The following FIGNL2 variants were observed in gnomAD, a reference collection of about 807,000 sequenced individuals.
FIGNL2 encodes the protein fidgetin like 2, also known as fidgetin-like protein 2.
For missense variants in FIGNL2, 1,060 were observed against 950.2 expected (o/e 1.12, Z -1.52); for synonymous variants, 565 against 484.0 (o/e 1.17, Z -2.20).
chr12:51,842,638 T>C (rs1939681745), intron 1 of FIGNL2, among the ~76,000 whole-genome samples: 1 of 152,076 alleles, frequency 6.6e-6, no homozygotes, highest in Non-Finnish European at 1.5e-5. Flanking sequence ...ACTTTGCTTC[T>C]AATGCCCACC....
chr12:51,845,605 A>T (rs1352906681), intron 1 of FIGNL2: 1 of 985,290 alleles, frequency 1.0e-6, no homozygotes, highest in Non-Finnish European at 1.2e-6. Flanking sequence ...TTTTCATTAA[A>T]TCGGGTAAAG....
At chr12:51,847,393 G>T in intron 1 of FIGNL2, 7 of 985,456 alleles carry the variant, frequency 7.1e-6, no homozygotes, top group Non-Finnish European at 8.4e-6. Context: ...CCCACTCCTC[G>T]CTGCCGGGCG....
chr12:51,827,496 G>T (rs536704746), intron 1 of FIGNL2, among the ~76,000 whole-genome samples: 1 of 152,220 alleles, frequency 6.6e-6, no homozygotes, highest in South Asian at 2.1e-4. Context: ...AAAGTGCTGG[G>T]ATTACAGGCC....
At chr12:51,841,863 C>T (rs1013733354) in intron 1 of FIGNL2, 1 of 152,224 alleles carries the variant, frequency 6.6e-6, no homozygotes, top group Non-Finnish European at 1.5e-5. Context: ...TGCACAGCCC[C>T]TCCTCCCCTT....
intron 1 of FIGNL2, chr12:51,847,174 G>T (rs1592198087): frequency 7.1e-6 from 7 of 985,400 alleles, no homozygotes; most frequent in Non-Finnish European, 8.4e-6. Context: ...TGAGAGGCTC[G>T]GGGAGGCTTT....
At chr12:51,822,658 A>C (rs1939249564) in intron 1 of FIGNL2, among the ~76,000 whole-genome samples, 1 of 152,224 alleles carries the variant, frequency 6.6e-6, no homozygotes, top group Non-Finnish European at 1.5e-5. Flanking sequence ...AGGGGTCTGG[A>C]AATGATGTGG....
At chr12:51,837,099 C>T (rs1255292075) in intron 1 of FIGNL2, among the ~76,000 whole-genome samples, 1 of 152,090 alleles carries the variant, frequency 6.6e-6, no homozygotes, top group Admixed American at 6.5e-5. Flanking sequence ...GGGGTGGGGG[C>T]CTGTGGGGAG....
intron 1 of FIGNL2, among the ~76,000 whole-genome samples, chr12:51,843,446 G>A (rs1462917548): frequency 1.3e-5 from 2 of 151,914 alleles, no homozygotes; most frequent in African/African-American, 2.4e-5. Flanking sequence ...TACTCAGGAG[G>A]CTGAGGCATG....
rs1350701627 is a variant in FIGNL2 at position 51,834,014 on chromosome 12, TGGAC to T, written c.-11-11594_-11-11591del. On this transcript the variant is annotated intron_variant, in intron 1 of 1. Coordinates refer to ENST00000618634, the MANE Select transcript of FIGNL2 (RefSeq NM_001384995.1). ...ATGGATGGATGAATGGACAGACAAA[TGGAC>T]GGATGGATGGATGGATGGATGGATG... Among the ~76,000 whole-genome samples, 31 of 131,798 alleles carry T rather than the reference TGGAC, an allele frequency of 2.4e-4. 2 individuals are homozygous for T. Among genetic ancestry groups the T allele is most frequent in the East Asian group, 7.5e-4 (3 of 3,996 alleles). 86.5% of individuals were successfully genotyped at this position (131,798 alleles called of 152,430 possible).
At chr12:51,833,424 G>C (rs980139020) in intron 1 of FIGNL2, among the ~76,000 whole-genome samples, 1 of 152,112 alleles carries the variant, frequency 6.6e-6, no homozygotes, top group Non-Finnish European at 1.5e-5. Flanking sequence ...TGTAACTCTT[G>C]AAAGCATGTT....
At chr12:51,839,442 C>G (rs900178900) in intron 1 of FIGNL2, among the ~76,000 whole-genome samples, 2 of 152,180 alleles carry the variant, frequency 1.3e-5, no homozygotes, top group African/African-American at 4.8e-5. Flanking sequence ...TGTTCCCCAC[C>G]ACAGCTGGCC....
chr12:51,836,331 C>G (rs1486147493), intron 1 of FIGNL2, among the ~76,000 whole-genome samples: 1 of 152,168 alleles, frequency 6.6e-6, no homozygotes, highest in East Asian at 1.9e-4. Flanking sequence ...TGCCCTCCCC[C>G]ATCAGCTGCT....
chr12:51,838,358 C>G (rs939974061), intron 1 of FIGNL2, among the ~76,000 whole-genome samples: 3 of 152,202 alleles, frequency 2.0e-5, no homozygotes, highest in Non-Finnish European at 2.9e-5. Flanking sequence ...TCCTTCCCTT[C>G]TCCCCTTTCT....
chr12:51,848,308 T>A, intron 1 of FIGNL2: 1 of 984,014 alleles, frequency 1.0e-6, no homozygotes, highest in Non-Finnish European at 1.2e-6. Flanking sequence ...GCCGGGCGGC[T>A]ATCCCCTGCT....
chr12:51,829,738 A>G (rs1398727802), intron 1 of FIGNL2, among the ~76,000 whole-genome samples: 1 of 151,772 alleles, frequency 6.6e-6, no homozygotes, highest in Non-Finnish European at 1.5e-5. Flanking sequence ...AAGAGAAAAC[A>G]AAGTGTTTCC....
rs551604537 is a variant in FIGNL2 at position 51,818,887 on chromosome 12, G to A, written c.*1565C>T. 1 of 152,300 alleles carries A rather than the reference G, an allele frequency of 6.6e-6. No homozygotes were observed. Among genetic ancestry groups the A allele is most frequent in the Non-Finnish European group, 1.5e-5 (1 of 68,148 alleles). 9.4% of individuals were successfully genotyped at this position (152,300 alleles called of 1,614,324 possible). A position where few individuals can be genotyped will look rare whatever the true frequency, so the allele number is the denominator to read the frequency against. Reference sequence around the variant, plus strand: ...CAAGCCTAGTGGAAAGTTCAGGCAGGACTGAGACTAAGCCCCCAAGGTCAG... The same window carrying A: ...CAAGCCTAGTGGAAAGTTCAGGCAGAACTGAGACTAAGCCCCCAAGGTCAG... On this transcript the variant is annotated 3_prime_UTR_variant, in exon 2 of 2. Transcript: ENST00000618634.
intron 1 of FIGNL2, chr12:51,848,048 G>C (rs1301444023): frequency 2.4e-6 from 2 of 840,436 alleles, no homozygotes; most frequent in African/African-American, 1.8e-5. Flanking sequence ...CCATGCTGGG[G>C]AATCTCCGGG....
Position 51,826,647 on chromosome 12 carries a change from A to G in FIGNL2, c.-11-4223T>C, listed in dbSNP as rs1939352177. Among the ~76,000 whole-genome samples, 3 of 151,250 alleles carry G rather than the reference A, an allele frequency of 2.0e-5. No individual in the cohort carries two copies. In the South Asian group the frequency reaches 6.2e-4, roughly 31 times the overall value. ...AGAGCGAAACTCCCATCTCAAAAAA[A>G]AAAAAAAAAAAAAAAATCTAACCAG... On this transcript the variant is annotated intron_variant, in intron 1 of 1. Transcript: ENST00000618634.
At chr12:51,822,509 G>T in intron 1 of FIGNL2, 85 bp from the exon 2 acceptor site, 1 of 1,519,292 alleles carries the variant, frequency 6.6e-7, no homozygotes, top group East Asian at 2.4e-5. Context: ...AGTCCGCCTA[G>T]ACTGCGGCTT....
Sources: allele counts gnomAD v4.1 joint callset (sites outside exome capture counted in the v4.1 genomes callset), GRCh38; gene constraint gnomAD v4.1.1; transcripts MANE v1.5; gene names NCBI Gene and HGNC (gene_info 2026-07-23, HGNC 2026-07-21).